Variants in GALNT13 observed in about 807,000 individuals in gnomAD.
GALNT13 encodes UDP-GalNAc:polypeptide N-acetylgalactosaminyltransferase 13.
GALNT13 carries 28 observed loss-of-function variants against 64.2 expected under a neutral mutation model. The ratio of observed to expected loss-of-function variants is 0.44; its 90% confidence interval spans 0.32 to 0.60. The LOEUF is 0.60. GALNT13 is among the 20% of genes least tolerant of loss of function. GALNT13 has a pLI of 0.05. For missense variants in GALNT13, 577 were observed against 669.8 expected (o/e 0.86, Z 1.53); for synonymous variants, 214 against 224.6 (o/e 0.95, Z 0.42).
At chr2:154,226,064 G>A (rs1290280537) in intron 4 of GALNT13, among the ~76,000 whole-genome samples, 3 of 152,048 alleles carry the variant, frequency 2.0e-5, no homozygotes, top group Admixed American at 1.3e-4. Context: ...GGGAAACGGG[G>A]TTCTGTTTAT....
At chr2:154,380,222 A>C (rs1360897065) in intron 9 of GALNT13, among the ~76,000 whole-genome samples, 2 of 152,050 alleles carry the variant, frequency 1.3e-5, no homozygotes, top group African/African-American at 2.4e-5. Flanking sequence ...TAAAAATTAT[A>C]TGTTTTACCC....
At chr2:153,263,741 C>T in the GALNT13 span, among the ~76,000 whole-genome samples, 3 of 152,108 alleles carry the variant, frequency 2.0e-5, no homozygotes, top group Non-Finnish European at 2.9e-5. Context: ...ACTGGCTAGC[C>T]ATAGGCAGAA....
At chr2:153,900,080 C>T (rs534886045) in intron 1 of GALNT13, among the ~76,000 whole-genome samples, 64 of 151,534 alleles carry the variant, frequency 4.2e-4, no homozygotes, top group African/African-American at 1.5e-3. Flanking sequence ...GGACTACAGG[C>T]ACTCACTACC....
the GALNT13 span, among the ~76,000 whole-genome samples, chr2:153,366,150 C>G: frequency 2.6e-5 from 4 of 152,122 alleles, no homozygotes; most frequent in African/African-American, 9.7e-5. Context: ...AACAGGAAAA[C>G]CAAACACTGC....
intron 3 of GALNT13, among the ~76,000 whole-genome samples, chr2:153,960,306 C>T (rs537066090): frequency 5.3e-5 from 8 of 152,294 alleles, no homozygotes; most frequent in Admixed American, 3.3e-4. Context: ...TGTTGGGTGC[C>T]AAGCTGATGC....
chr2:153,627,861 A>G, the GALNT13 span, among the ~76,000 whole-genome samples: 1 of 152,056 alleles, frequency 6.6e-6, no homozygotes, highest in Non-Finnish European at 1.5e-5. Context: ...TATGAACTTT[A>G]AAGTAGTTTT....
At chr2:153,120,633 A>T in the GALNT13 span, among the ~76,000 whole-genome samples, 1 of 152,232 alleles carries the variant, frequency 6.6e-6, no homozygotes, top group Admixed American at 6.5e-5. Flanking sequence ...TTACTGCCTC[A>T]TGTGTGTCTA....
chr2:154,427,603 G>A (rs1304218971), intron 11 of GALNT13, among the ~76,000 whole-genome samples: 1 of 152,192 alleles, frequency 6.6e-6, no homozygotes, highest in Non-Finnish European at 1.5e-5. Context: ...TACAGATGAT[G>A]TTGAGGACAG....
the GALNT13 span, among the ~76,000 whole-genome samples, chr2:153,556,303 T>A: frequency 2.0e-4 from 30 of 152,212 alleles, no homozygotes; most frequent in Non-Finnish European, 3.7e-4. Context: ...AAATTTTGTG[T>A]ATCATTTATG....
At chr2:154,331,741 G>A (rs774223728) in intron 9 of GALNT13, among the ~76,000 whole-genome samples, 15 of 151,936 alleles carry the variant, frequency 9.9e-5, no homozygotes, top group Non-Finnish European at 2.1e-4. Context: ...CATTACATGT[G>A]GGCATCTGTC....
the GALNT13 span, among the ~76,000 whole-genome samples, chr2:153,331,784 A>G: frequency 3.0e-4 from 46 of 152,272 alleles, no homozygotes; most frequent in African/African-American, 1.1e-3. Context: ...TGTATGCTTC[A>G]ATCTAATCAA....
the GALNT13 span, among the ~76,000 whole-genome samples, chr2:153,254,206 T>C: frequency 6.6e-6 from 1 of 152,230 alleles, no homozygotes; most frequent in Non-Finnish European, 1.5e-5. Context: ...GGAGGGTGTA[T>C]GTGTCAAGGA....
the GALNT13 span, among the ~76,000 whole-genome samples, chr2:153,629,297 G>C: frequency 6.6e-6 from 1 of 151,690 alleles, no homozygotes; most frequent in African/African-American, 2.4e-5. Context: ...TACCAAAACA[G>C]AGATATAGAT....
chr2:154,152,476 C>T lies in GALNT13; in HGVS notation c.311+11971C>T, dbSNP rs556341919. ...GTATTTCCTGAATCCAAATGTTGGC[C>T]TGCCTTGCTAGATTGGGGAAGTTCT... is the stretch of plus-strand genomic sequence containing the variant. On this transcript the variant is annotated intron_variant, in intron 4 of 12. Transcript: ENST00000392825. 1.2e-4 allele frequency among the ~76,000 whole-genome samples: 18 copies of T among 152,254 alleles called. No individual in the cohort carries two copies. In the East Asian group the frequency reaches 3.5e-3, roughly 29 times the overall value.
the GALNT13 span, among the ~76,000 whole-genome samples, chr2:153,294,704 T>C: frequency 6.6e-6 from 1 of 152,154 alleles, no homozygotes; most frequent in Non-Finnish European, 1.5e-5. Context: ...CAGGATTGAA[T>C]AGATGTTCAA....
chr2:154,142,126 C>T (rs1683289382), intron 4 of GALNT13, among the ~76,000 whole-genome samples: 1 of 152,170 alleles, frequency 6.6e-6, no homozygotes, highest in Non-Finnish European at 1.5e-5. Context: ...TTTTTCTCTA[C>T]ATGCAATAGA....
intron 12 of GALNT13, among the ~76,000 whole-genome samples, chr2:154,444,866 G>A (rs968559639): frequency 1.3e-5 from 2 of 151,980 alleles, no homozygotes; most frequent in African/African-American, 2.4e-5. Flanking sequence ...TCATTTTAGA[G>A]AAATAGTTTA....
the GALNT13 span, among the ~76,000 whole-genome samples, chr2:153,251,920 G>T: frequency 2.6e-5 from 4 of 151,700 alleles, no homozygotes; most frequent in Non-Finnish European, 4.4e-5. Context: ...GAATAATGCC[G>T]CAATAAACAT....
chr2:153,835,052 A>G, the GALNT13 span, among the ~76,000 whole-genome samples: 2 of 152,112 alleles, frequency 1.3e-5, no homozygotes, highest in Admixed American at 6.6e-5. Context: ...AGTCTGTGAA[A>G]AAGAAGAGAA....
Sources: gnomAD v4.1 joint callset for allele counts (sites outside exome capture counted in the v4.1 genomes callset) on GRCh38, gnomAD v4.1.1 for gene constraint, MANE v1.5 for transcripts, NCBI Gene and HGNC (gene_info 2026-07-23, HGNC 2026-07-21) for gene names.